Variants in CFAP57 observed in about 807,000 individuals in gnomAD.
CFAP57 encodes the protein cilia and flagella associated protein 57, also known as cilia- and flagella-associated protein 57.
CFAP57 carries 116 observed loss-of-function variants against 146.8 expected under a neutral mutation model. The ratio of observed to expected loss-of-function variants is 0.79; its 90% CI spans 0.68 to 0.92. The LOEUF is 0.92. Ranked by LOEUF, CFAP57 falls within the 40% of genes least tolerant of loss-of-function variation. The pLI is 0.00. For synonymous variants in CFAP57, 518 were observed against 552.8 expected (o/e 0.94, Z 0.88); for missense variants, 1,377 against 1,527.2 (o/e 0.90, Z 1.64).
chr1:43,191,644 G>A (rs575644423), intron 6 of CFAP57, among the ~76,000 whole-genome samples: 5 of 143,700 alleles, frequency 3.5e-5, no homozygotes, highest in Non-Finnish European at 7.5e-5. Context: ...GTATTAATAT[G>A]ATTTTCCTCC....
At chr1:43,180,249 T>TATATAC (rs1252688559) in intron 2 of CFAP57, among the ~76,000 whole-genome samples, 2 of 144,326 alleles carry the variant, frequency 1.4e-5, no homozygotes, top group Non-Finnish European at 3.0e-5. Flanking sequence ...AAAATATATA[T>TATATAC]ACACACATAT....
chr1:43,213,291 CA>C (rs1414210847), intron 11 of CFAP57, among the ~76,000 whole-genome samples: 3 of 152,182 alleles, frequency 2.0e-5, no homozygotes, highest in Non-Finnish European at 4.4e-5. Flanking sequence ...TGAATGAGAA[CA>C]CACAATATTT....
At chr1:43,208,166 A>T (rs1644436171) in intron 10 of CFAP57, among the ~76,000 whole-genome samples, 1 of 152,200 alleles carries the variant, frequency 6.6e-6, no homozygotes, top group African/African-American at 2.4e-5. Flanking sequence ...GCTGGAGAGG[A>T]TGTGGAGAAA....
intron 21 of CFAP57, among the ~76,000 whole-genome samples, chr1:43,240,179 C>T (rs982206335): frequency 1.3e-5 from 2 of 152,072 alleles, no homozygotes; most frequent in Non-Finnish European, 2.9e-5. Flanking sequence ...CTGGGGAGAC[C>T]GAAGAATGAC....
At chr1:43,182,833 C>A (rs532987094) in intron 3 of CFAP57, among the ~76,000 whole-genome samples, 16 of 152,352 alleles carry the variant, frequency 1.1e-4, no homozygotes, top group Admixed American at 2.6e-4. Flanking sequence ...AAGTTGCTCA[C>A]TATATAGTCA....
intron 22 of CFAP57, among the ~76,000 whole-genome samples, chr1:43,249,043 A>T (rs902833554): frequency 7.6e-6 from 1 of 131,600 alleles, no homozygotes. Context: ...CACCACTCCC[A>T]GCTAATTTTT....
chr1:43,213,509 G>T (rs1052580493), intron 11 of CFAP57, among the ~76,000 whole-genome samples: 9 of 107,904 alleles, frequency 8.3e-5, no homozygotes, highest in Admixed American at 1.8e-4. Flanking sequence ...AATATGGGGG[G>T]GGCGGTGGAG....
At chr1:43,182,434 A>G (rs1046602596) in intron 3 of CFAP57, among the ~76,000 whole-genome samples, 1 of 152,136 alleles carries the variant, frequency 6.6e-6, no homozygotes, top group Non-Finnish European at 1.5e-5. Flanking sequence ...CTAGCACTCA[A>G]TTCCACAAGT....
rs769988170 is a variant in CFAP57, at chr1:43,206,850, A to G, written c.1673A>G (p.Asn558Ser). Residue 558 changes from asparagine to serine, a missense_variant, in exon 10 of 23, where the codon AAC becomes AGC. Transcript: ENST00000372492. The part of the protein sequence containing the change: ...TECVLKSCSY[N>S]CVTVSPDAKI... ...TGCGTGCTCAAGTCTTGCAGCTACAACTGTGTTACTGTCTCCCCCGATGCC... is the reference window on the plus strand; with the variant it reads ...TGCGTGCTCAAGTCTTGCAGCTACAGCTGTGTTACTGTCTCCCCCGATGCC... 1.1e-5 allele frequency: 17 copies of G among 1,614,150 alleles called. No homozygotes were observed. Among genetic ancestry groups the G allele is most frequent in the East Asian group, 4.5e-5 (2 of 44,866 alleles).
At chr1:43,250,576 T>A (rs1287989529) in intron 22 of CFAP57, among the ~76,000 whole-genome samples, 1 of 152,210 alleles carries the variant, frequency 6.6e-6, no homozygotes, top group Non-Finnish European at 1.5e-5. Context: ...GGCTAAATTC[T>A]GATTTCCCAT....
At chr1:43,237,277 C>G (rs1008563660) in intron 21 of CFAP57, among the ~76,000 whole-genome samples, 3 of 152,174 alleles carry the variant, frequency 2.0e-5, no homozygotes, top group Non-Finnish European at 4.4e-5. Context: ...GACAGGAGCT[C>G]AGCCTCCCCA....
chr1:43,198,490 A>G lies in CFAP57; in HGVS notation c.1272A>G (p.Glu424=). The G allele has an allele frequency of 6.2e-7, 1 of 1,614,058 alleles. No individual in the cohort carries two copies. The highest frequency in any genetic ancestry group is 8.5e-7 in the Non-Finnish European group (1 of 1,180,018). The change falls in exon 8 of 23, where the codon GAA becomes GAG. Residue 424 remains glutamate (E), a synonymous_variant. Coordinates refer to ENST00000372492, the MANE Select transcript of CFAP57 (RefSeq NM_001378189.1). ...TTGATCTTTTTCACAGCACCCTGGA[A>G]CTATTTAAGGAATACCAAGAAGAGG... is the stretch of plus-strand genomic sequence containing the variant. The part of the protein sequence containing the change: ...RLWNYETNTL[E]LFKEYQEEAY...
At chr1:43,219,876 C>G (rs975590902) in intron 13 of CFAP57, among the ~76,000 whole-genome samples, 4 of 152,144 alleles carry the variant, frequency 2.6e-5, no homozygotes, top group Non-Finnish European at 5.9e-5. Flanking sequence ...TGAGAATCAT[C>G]TGAACCTGGG....
chr1:43,215,107 C>T, intron 11 of CFAP57, 148 bp from the exon 12 acceptor site: 1 of 808,608 alleles, frequency 1.2e-6, no homozygotes, highest in East Asian at 2.7e-5. Context: ...TGTGAGGGCT[C>T]CTCTCTCATT....
At position 43,185,158 on chromosome 1, in the gene CFAP57, A is replaced by C; in HGVS notation, c.771A>C (p.Glu257Asp). 1 of 1,613,994 alleles carries C rather than the reference A, an allele frequency of 6.2e-7. No individual in the cohort carries two copies. The highest frequency in any genetic ancestry group is 1.3e-5 in the African/African-American group (1 of 74,978). The stretch of plus-strand genomic sequence containing the variant: ...GTTTTTTTGTTTCCAGCCTGATTGA[A>C]TTTCCACCAGTCAGTTCTCCACTCC... ...DVIQESESLI[E>D]FPPVSSPLPS... Residue 257 changes from glutamate (E) to aspartate (D), a missense_variant, in exon 5 of 23, where the codon GAA (glutamate) becomes GAC (aspartate). Transcript: ENST00000372492.
At chr1:43,231,871 T>TA (rs1207020857) in intron 18 of CFAP57, among the ~76,000 whole-genome samples, 4 of 151,908 alleles carry the variant, frequency 2.6e-5, no homozygotes, top group Non-Finnish European at 4.4e-5. Context: ...AGACTCCATC[T>TA]AAAAAAAATG....
At chr1:43,185,575 C>T (rs947642308) in intron 5 of CFAP57, among the ~76,000 whole-genome samples, 1 of 150,940 alleles carries the variant, frequency 6.6e-6, no homozygotes, top group African/African-American at 2.4e-5. Flanking sequence ...AGCATATTGG[C>T]TTATGCCTGT....
At chr1:43,241,574 C>T (rs1645924051) in intron 21 of CFAP57, among the ~76,000 whole-genome samples, 1 of 152,052 alleles carries the variant, frequency 6.6e-6, no homozygotes, top group African/African-American at 2.4e-5. Context: ...GAGATAATGT[C>T]CCAAGTAGAA....
chr1:43,198,539 T>A lies in CFAP57; in HGVS notation c.1321T>A (p.Ser441Thr). ...GGCATATTCCATCAGCCTTCATCCA[T>A]CTGGACACTTCATTGTAGTAGGGTT... ...EEAYSISLHPSGHFIVVGFAD... is the reference protein window; with the variant it reads ...EEAYSISLHPTGHFIVVGFAD... The change falls in exon 8 of 23, where the codon TCT becomes ACT. Residue 441 changes from serine (S) to threonine (T), a missense_variant. Ser to Thr is a moderately conservative substitution (Grantham distance 58, BLOSUM62 1). Transcript: ENST00000372492. 1 of 1,614,150 alleles carries A rather than the reference T, an allele frequency of 6.2e-7. No homozygotes were observed. Among genetic ancestry groups the A allele is most frequent in the Non-Finnish European group, 8.5e-7 (1 of 1,180,024 alleles).
Sources: gnomAD v4.1 joint callset for allele counts (sites outside exome capture counted in the v4.1 genomes callset) on GRCh38, gnomAD v4.1.1 for gene constraint, MANE v1.5 for transcripts, NCBI Gene and HGNC (gene_info 2026-07-23, HGNC 2026-07-21) for gene names.